The following CNTN5 variants were observed in gnomAD, a reference collection of about 807,000 sequenced individuals.
CNTN5 encodes contactin 5.
CNTN5 carries 77 observed loss-of-function variants against 129.1 expected under a neutral mutation model. The ratio of observed to expected loss-of-function variants is 0.60; its 90% CI spans 0.50 to 0.72. The LOEUF is 0.72. Ranked by LOEUF, CNTN5 falls within the 30% of genes least tolerant of loss-of-function variation. The pLI is 0.00. For missense variants in CNTN5, 1,478 were observed against 1,328.8 expected, an observed-to-expected ratio of 1.11 and a Z score of -1.75; for synonymous variants, 509 against 465.6, an observed-to-expected ratio of 1.09 and a Z score of -1.20.
At chr11:100,318,469 T>C (rs1951613833) in intron 21 of CNTN5, among the ~76,000 whole-genome samples, 2 of 152,156 alleles carry the variant, frequency 1.3e-5, no homozygotes, top group Admixed American at 1.3e-4. Flanking sequence ...TTATTTATAA[T>C]TGACATTGTC....
At chr11:100,231,121 T>C (rs1036460093) in intron 16 of CNTN5, among the ~76,000 whole-genome samples, 3 of 152,142 alleles carry the variant, frequency 2.0e-5, no homozygotes, top group Admixed American at 6.5e-5. Context: ...GGGACAGGAT[T>C]GGAATAAATG....
intron 1 of CNTN5, among the ~76,000 whole-genome samples, chr11:99,186,788 A>G (rs754172314): frequency 6.6e-6 from 1 of 152,002 alleles, no homozygotes; most frequent in Non-Finnish European, 1.5e-5. Context: ...AGGGATACCT[A>G]AAAGTATTAC....
chr11:99,570,665 A>C (rs1217607784), intron 3 of CNTN5, among the ~76,000 whole-genome samples: 1 of 152,204 alleles, frequency 6.6e-6, no homozygotes, highest in Non-Finnish European at 1.5e-5. Context: ...GACAGGCAAA[A>C]TCCCTGTCTT....
Position 99,706,239 on chromosome 11 carries a change from G to A in CNTN5, c.56-113305G>A, listed in dbSNP as rs531013045. Among the ~76,000 whole-genome samples the A allele has an allele frequency of 8.8e-4, 133 of 151,442 alleles. 1 individual carries two copies. Among genetic ancestry groups the A allele is most frequent in the Non-Finnish European group, 1.1e-3 (71 of 67,560 alleles). ...TAGGTGGAAATGCATCCTACATATT[G>A]GGAGATGTTGATAATGAGGCTGCCT... On this transcript the variant is annotated intron_variant, in intron 3 of 24. Transcript: ENST00000524871.
chr11:99,253,172 G>T (rs1001535595), intron 1 of CNTN5, among the ~76,000 whole-genome samples: 1 of 152,132 alleles, frequency 6.6e-6, no homozygotes, highest in Admixed American at 6.6e-5. Flanking sequence ...GATAAGTAGT[G>T]AATAAGTCTC....
intron 20 of CNTN5, among the ~76,000 whole-genome samples, chr11:100,307,516 CA>C (rs34148781): frequency 0.52 from 75,474 of 146,274 alleles, 20,825 homozygotes; most frequent in East Asian, 0.9. Flanking sequence ...TTGTGTATTT[CA>C]AAAAAAAAAA....
chr11:100,197,216 G>C (rs186769333), intron 15 of CNTN5, among the ~76,000 whole-genome samples: 2 of 152,078 alleles, frequency 1.3e-5, no homozygotes, highest in East Asian at 1.9e-4. Context: ...CAGTGAGGGT[G>C]TATAGTAGAC....
chr11:100,162,250 A>G (rs765964339), intron 13 of CNTN5, among the ~76,000 whole-genome samples: 4 of 151,882 alleles, frequency 2.6e-5, no homozygotes, highest in Non-Finnish European at 5.9e-5. Flanking sequence ...GACACATATT[A>G]ACACCATAAA....
intron 6 of CNTN5, among the ~76,000 whole-genome samples, chr11:99,875,624 A>C (rs1032446802): frequency 2.6e-5 from 4 of 151,990 alleles, no homozygotes; most frequent in Non-Finnish European, 5.9e-5. Flanking sequence ...ATACCTCCCT[A>C]ATCTCTCATA....
intron 3 of CNTN5, among the ~76,000 whole-genome samples, chr11:99,810,370 G>T (rs970510007): frequency 3.3e-5 from 5 of 152,020 alleles, no homozygotes; most frequent in Non-Finnish European, 4.4e-5. Flanking sequence ...CTTATGCAAG[G>T]AATACCAGGA....
intron 3 of CNTN5, among the ~76,000 whole-genome samples, chr11:99,563,920 G>T (rs1948923111): frequency 6.6e-6 from 1 of 152,138 alleles, no homozygotes. Flanking sequence ...TCAAGAGGTG[G>T]AAAAGTAGAT....
chr11:99,622,744 C>A (rs904806916), intron 3 of CNTN5, among the ~76,000 whole-genome samples: 3 of 151,912 alleles, frequency 2.0e-5, no homozygotes, highest in Admixed American at 2.0e-4. Flanking sequence ...ATGAAAAGGC[C>A]CGTTCCCTGG....
chr11:99,881,544 T>C (rs1447343826), intron 6 of CNTN5, among the ~76,000 whole-genome samples: 1 of 152,194 alleles, frequency 6.6e-6, no homozygotes, highest in Non-Finnish European at 1.5e-5. Context: ...CTCATATCAG[T>C]AGCATACAAT....
At position 100,255,874 on chromosome 11, in the gene CNTN5, A is replaced by C; in HGVS notation, c.2120A>C (p.Gln707Pro). The change falls in exon 17 of 25, where the codon CAA becomes CCA. Residue 707 changes from glutamine to proline, a missense_variant. By Grantham distance (76) the Gln-to-Pro change is moderately conservative (BLOSUM62 -1). Coordinates refer to ENST00000524871, the MANE Select transcript of CNTN5 (RefSeq NM_014361.4). ...NHSPISSYNL[Q>P]ARSPFSLGWQ... ...AGCCCAATCTCCTCCTACAACCTTC[A>C]AGCTCGCAGCCCATTTTCCCTGGGC... 1.2e-6 allele frequency: 2 copies of C among 1,613,870 alleles called. No homozygotes were observed.
chr11:100,198,281 C>T (rs534853573), intron 15 of CNTN5, among the ~76,000 whole-genome samples: 1 of 151,926 alleles, frequency 6.6e-6, no homozygotes, highest in African/African-American at 2.4e-5. Context: ...AAAATCACAG[C>T]CAAATTTTGT....
intron 2 of CNTN5, among the ~76,000 whole-genome samples, chr11:99,431,949 C>T (rs1943386441): frequency 1.3e-5 from 2 of 151,986 alleles, no homozygotes; most frequent in South Asian, 4.1e-4. Flanking sequence ...AGGGTATGGT[C>T]ACAATACTCA....
At chr11:100,053,992 A>C (rs1376806431) in intron 9 of CNTN5, among the ~76,000 whole-genome samples, 1 of 151,776 alleles carries the variant, frequency 6.6e-6, no homozygotes, top group Non-Finnish European at 1.5e-5. Flanking sequence ...ATTTACATAA[A>C]AGTATAAAAC....
chr11:99,793,768 G>C (rs899279418), intron 3 of CNTN5, among the ~76,000 whole-genome samples: 1 of 151,996 alleles, frequency 6.6e-6, no homozygotes. Context: ...TTTTTATTTA[G>C]CTGTGGTATA....
At chr11:99,875,030 A>G (rs1359703794) in intron 6 of CNTN5, among the ~76,000 whole-genome samples, 1 of 152,164 alleles carries the variant, frequency 6.6e-6, no homozygotes, top group Non-Finnish European at 1.5e-5. Context: ...AACACAGATT[A>G]CTGGAGGTGC....
Sources: allele counts gnomAD v4.1 joint callset (sites outside exome capture counted in the v4.1 genomes callset), GRCh38; gene constraint gnomAD v4.1.1; transcripts MANE v1.5; gene names NCBI Gene and HGNC (gene_info 2026-07-23, HGNC 2026-07-21).